CWC22: variants seen among roughly 807,000 people sequenced by gnomAD.
CWC22 encodes the protein pre-mRNA-splicing factor CWC22 homolog.
Under a neutral mutation model 117.2 loss-of-function variants are expected in CWC22, and 53 were observed. The observed-to-expected ratio is 0.45, with a 90% confidence interval of 0.36 to 0.57. The LOEUF (loss-of-function observed/expected upper bound fraction) is 0.57. Ranked by LOEUF, CWC22 falls within the 20% of genes least tolerant of loss-of-function variation. CWC22 has a pLI of 0.00. For missense variants in CWC22, 980 were observed against 1,068.8 expected (o/e 0.92, Z 1.16); for synonymous variants, 360 against 355.6 (o/e 1.01, Z -0.14).
chr2:180,002,591 T>C (rs1399256769), intron 1 of CWC22, among the ~76,000 whole-genome samples: 1 of 152,174 alleles, frequency 6.6e-6, no homozygotes, highest in Admixed American at 6.5e-5. Context: ...GGGAGATATA[T>C]ACATTACACA....
intron 13 of CWC22, among the ~76,000 whole-genome samples, chr2:179,962,846 T>C (rs1441235584): frequency 2.6e-5 from 4 of 152,150 alleles, no homozygotes; most frequent in South Asian, 2.1e-4. Flanking sequence ...TTTAAAGAGA[T>C]AGATATGGTA....
At position 179,982,127 on chromosome 2, in the gene CWC22, G is replaced by C. The variant is rs371978009; in HGVS notation, c.207-130C>G. On this transcript the variant is annotated intron_variant, in intron 4 of 19. Coordinates refer to ENST00000410053, the MANE Select transcript of CWC22 (RefSeq NM_020943.3). ...AGACTAGGAAAAGTGGTTTAGAATG[G>C]TGACAAAGTGTTTCACAGAGAAAAT... is the stretch of plus-strand genomic sequence containing the variant. The C allele has an allele frequency of 1.5e-5, 9 of 618,468 alleles. No individual in the cohort carries two copies. In the South Asian group the frequency reaches 1.8e-4, roughly 13 times the overall value. 38.3% of individuals were successfully genotyped at this position (618,468 alleles called of 1,614,324 possible).
intron 14 of CWC22, among the ~76,000 whole-genome samples, chr2:179,957,308 TA>T (rs1304041976): frequency 6.6e-6 from 1 of 152,204 alleles, no homozygotes; most frequent in African/African-American, 2.4e-5. Context: ...CTTTTACATT[TA>T]AAAAGATAAT....
intron 11 of CWC22, among the ~76,000 whole-genome samples, chr2:179,968,151 TTAG>T (rs1448723112): frequency 4.6e-4 from 70 of 152,328 alleles, no homozygotes; most frequent in African/African-American, 1.7e-3. Context: ...ACTCAGCGAA[TTAG>T]TATTTTCTAA....
intron 8 of CWC22, 80 bp from the exon 9 acceptor site, chr2:179,971,156 G>T: frequency 2.0e-6 from 2 of 1,013,814 alleles, no homozygotes; most frequent in Non-Finnish European, 2.7e-6. Flanking sequence ...CTAAAAATTA[G>T]TAAATCTGTT....
intron 1 of CWC22, among the ~76,000 whole-genome samples, chr2:180,003,073 TATA>T (rs1200909277): frequency 1.3e-5 from 2 of 152,202 alleles, no homozygotes; most frequent in Non-Finnish European, 2.9e-5. Flanking sequence ...TAGAACTTCC[TATA>T]ATGCCATTTT....
At chr2:180,003,736 T>G (rs1559300101) in intron 1 of CWC22, among the ~76,000 whole-genome samples, 1 of 152,272 alleles carries the variant, frequency 6.6e-6, no homozygotes, top group African/African-American at 2.4e-5. Flanking sequence ...CATTTATAAG[T>G]TAGGCTGAAA....
intron 5 of CWC22, among the ~76,000 whole-genome samples, chr2:179,979,265 G>A (rs772093097): frequency 2.3e-5 from 2 of 85,344 alleles, no homozygotes; most frequent in Non-Finnish European, 4.5e-5. Flanking sequence ...AATATTCTAT[G>A]TGCTTCATAA....
rs1033594570 is a variant in CWC22, at chr2:179,945,413, T to A, written c.2443A>T (p.Lys815Ter). The change falls in exon 20 of 20, where the codon AAG becomes TAG. Residue 815 changes from lysine (K) to a stop codon, truncating the protein, a stop_gained. Coordinates refer to ENST00000410053, the MANE Select transcript of CWC22 (RefSeq NM_020943.3). LOFTEE classifies it high-confidence loss of function. ...DQEMHIDLENKHGDPKKKRGE... is the reference protein window; with the variant it reads ...DQEMHIDLEN Reference sequence around the variant, plus strand: ...CTCTTCTTTTTGGGATCACCATGCTTATTTTCCAAATCTATATGCATTTCT... The same window carrying A: ...CTCTTCTTTTTGGGATCACCATGCTAATTTTCCAAATCTATATGCATTTCT... The A allele has an allele frequency of 6.2e-7, 1 of 1,613,410 alleles. No homozygotes were observed.
intron 1 of CWC22, among the ~76,000 whole-genome samples, chr2:180,003,547 A>G (rs1444272986): frequency 6.6e-6 from 1 of 152,212 alleles, no homozygotes; most frequent in East Asian, 1.9e-4. Context: ...TGGTTTAAAG[A>G]AAACTTGGAG....
intron 16 of CWC22, 30 bp downstream of exon 16, chr2:179,954,175 G>A: frequency 6.5e-7 from 1 of 1,529,294 alleles, no homozygotes; most frequent in Non-Finnish European, 8.9e-7. Flanking sequence ...GAATTAGGAA[G>A]GAAGTATAAA....
At position 179,970,559 on chromosome 2, in the gene CWC22, A is replaced by G; in HGVS notation, c.1152T>C (p.Val384=). 1 of 1,549,168 alleles carries G rather than the reference A, an allele frequency of 6.5e-7. No individual in the cohort carries two copies. ...DDYNPEDVLN[V]FKMDPNFMEN... is the part of the protein sequence containing the mutation. ...CCATAAAATTAGGATCCATCTTGAAAACATCTAAAAAAAATGTAAAAGTTA... is the reference window on the plus strand; with the variant it reads ...CCATAAAATTAGGATCCATCTTGAAGACATCTAAAAAAAATGTAAAAGTTA... The change falls in exon 11 of 20, where the codon GTT becomes GTC. Residue 384 remains valine, a synonymous_variant. Transcript: ENST00000410053.
intron 1 of CWC22, among the ~76,000 whole-genome samples, chr2:179,993,693 C>T (rs558298705): frequency 6.6e-6 from 1 of 151,678 alleles, no homozygotes; most frequent in Admixed American, 6.6e-5. Flanking sequence ...AAGGACCAAG[C>T]GGAACAAAAG....
intron 11 of CWC22, 45 bp downstream of exon 11, chr2:179,970,456 G>T (rs1325630239): frequency 3.5e-6 from 5 of 1,433,140 alleles, no homozygotes; most frequent in South Asian, 1.3e-5. Context: ...TACTTAAATT[G>T]CTTCTACTTA....
intron 6 of CWC22, among the ~76,000 whole-genome samples, chr2:179,977,760 C>T (rs1043003259): frequency 1.3e-5 from 2 of 152,140 alleles, no homozygotes; most frequent in African/African-American, 4.8e-5. Flanking sequence ...GCATGTTAAA[C>T]AGCTTGATTT....
chr2:179,960,043 A>T (rs1575641711), intron 13 of CWC22, among the ~76,000 whole-genome samples: 1 of 152,136 alleles, frequency 6.6e-6, no homozygotes, highest in African/African-American at 2.4e-5. Flanking sequence ...AACAAAACAC[A>T]TGATGTGTAA....
At chr2:179,993,651 T>A (rs1315721752) in intron 1 of CWC22, among the ~76,000 whole-genome samples, 197 bp from the exon 2 acceptor site, 1 of 152,054 alleles carries the variant, frequency 6.6e-6, no homozygotes, top group African/African-American at 2.4e-5. Context: ...AAAAAATCCA[T>A]GAACAAGAGA....
chr2:179,989,641 G>C (rs1687509700), intron 2 of CWC22, among the ~76,000 whole-genome samples: 1 of 152,028 alleles, frequency 6.6e-6, no homozygotes, highest in South Asian at 2.1e-4. Context: ...TGTAACATGA[G>C]ACTGACATGA....
chr2:179,985,933 T>C (rs1687408583), intron 4 of CWC22, among the ~76,000 whole-genome samples: 1 of 152,064 alleles, frequency 6.6e-6, no homozygotes, highest in Admixed American at 6.5e-5. Context: ...TAAAAACTAT[T>C]ACTAATTTCT....
Sources: gnomAD v4.1 joint callset for allele counts (sites outside exome capture counted in the v4.1 genomes callset) on GRCh38, gnomAD v4.1.1 for gene constraint, MANE v1.5 for transcripts, NCBI Gene and HGNC (gene_info 2026-07-23, HGNC 2026-07-21) for gene names.